The following STPG2 variants were observed in gnomAD, a reference collection of about 807,000 sequenced individuals.
The protein encoded by STPG2 is sperm tail PG-rich repeat containing 2, also known as sperm-tail PG-rich repeat-containing protein 2.
STPG2 carries 56 observed loss-of-function variants against 54.2 expected under a neutral mutation model. That is an observed-to-expected ratio of 1.03 (90% CI 0.83 to 1.29). STPG2 has a LOEUF of 1.29. Among genes scored for constraint, STPG2 ranks in the 50% most tolerant of loss-of-function variants. The pLI is 0.00. For synonymous variants in STPG2, 200 were observed against 181.8 expected (o/e 1.10, Z -0.81); for missense variants, 596 against 544.9 (o/e 1.09, Z -0.93).
At chr4:97,556,213 C>T (rs1732074907), downstream of STPG2, among the ~76,000 whole-genome samples, 1 of 152,110 alleles carries the variant, frequency 6.6e-6, no homozygotes, top group Admixed American at 6.5e-5. Flanking sequence ...AAGCACTCTT[C>T]ATCTACTAAT....
intron 4 of STPG2, among the ~76,000 whole-genome samples, chr4:97,450,160 T>A (rs533403417): frequency 6.6e-6 from 1 of 151,924 alleles, no homozygotes; most frequent in South Asian, 2.1e-4. Flanking sequence ...CTTAGAAAAA[T>A]AATAAAAAAT....
At chr4:97,561,607 C>T (rs948090362) in intron 10 of STPG2, among the ~76,000 whole-genome samples, 1 of 152,166 alleles carries the variant, frequency 6.6e-6, no homozygotes, top group African/African-American at 2.4e-5. Flanking sequence ...TTTAATCCAT[C>T]TTGAATTAAT....
chr4:97,607,877 A>G (rs1733634233), intron 10 of STPG2, among the ~76,000 whole-genome samples: 1 of 152,028 alleles, frequency 6.6e-6, no homozygotes, highest in Admixed American at 6.6e-5. Flanking sequence ...GGTTTAGGAA[A>G]GAGCCCCTAG....
At chr4:98,044,587 G>A (rs1046067782) in intron 5 of STPG2, among the ~76,000 whole-genome samples, 4 of 152,176 alleles carry the variant, frequency 2.6e-5, no homozygotes, top group Non-Finnish European at 5.9e-5. Flanking sequence ...GCAGGAAGGT[G>A]CAGCTTTTCC....
rs1739203227 is a variant in STPG2, at chr4:98,106,883, T to C, written c.501-819A>G. Among the ~76,000 whole-genome samples the C allele has an allele frequency of 2.0e-5, 3 of 152,178 alleles. 1 individual carries two copies. The South Asian group carries it at 6.2e-4, about 31-fold the overall frequency. On this transcript the variant is annotated intron_variant, in intron 4 of 10. Transcript: ENST00000295268. Reference sequence around the variant, plus strand: ...GACCACACTACTATTTTTTCTATTTTGTAAAGATAATTTCAAAAAAAATCT... The same window carrying C: ...GACCACACTACTATTTTTTCTATTTCGTAAAGATAATTTCAAAAAAAATCT...
intron 9 of STPG2, among the ~76,000 whole-genome samples, chr4:97,749,401 T>G (rs772003044): frequency 6.6e-6 from 1 of 151,718 alleles, no homozygotes; most frequent in Non-Finnish European, 1.5e-5. Context: ...TATTTGGCTA[T>G]CTAGTCATCT....
At chr4:97,791,889 T>C (rs1727002246) in intron 9 of STPG2, among the ~76,000 whole-genome samples, 1 of 151,698 alleles carries the variant, frequency 6.6e-6, no homozygotes, top group African/African-American at 2.4e-5. Context: ...AGAAACAACA[T>C]TTCCCAAATG....
intron 10 of STPG2, among the ~76,000 whole-genome samples, chr4:97,624,417 G>A (rs1007146347): frequency 5.9e-5 from 9 of 152,044 alleles, no homozygotes; most frequent in Admixed American, 5.9e-4. Flanking sequence ...CCGCATAAAT[G>A]TCTTCTTTTG....
At chr4:98,052,583 A>G (rs1737356464) in intron 5 of STPG2, among the ~76,000 whole-genome samples, 1 of 152,212 alleles carries the variant, frequency 6.6e-6, no homozygotes, top group Non-Finnish European at 1.5e-5. Flanking sequence ...TCAATAATAC[A>G]TTCTTCACAT....
chr4:97,604,180 G>GC (rs1733535982), intron 10 of STPG2, among the ~76,000 whole-genome samples: 1 of 151,494 alleles, frequency 6.6e-6, no homozygotes, highest in Admixed American at 6.6e-5. Flanking sequence ...TAGTAATCTA[G>GC]TAATCCATAT....
intron 9 of STPG2, among the ~76,000 whole-genome samples, chr4:97,837,553 A>G (rs2149118562): frequency 6.6e-6 from 1 of 151,778 alleles, no homozygotes; most frequent in East Asian, 1.9e-4. Context: ...GTGTAATAAG[A>G]AAAGACTGCT....
intron 8 of STPG2, among the ~76,000 whole-genome samples, chr4:97,919,374 C>A (rs1560589626): frequency 6.7e-6 from 1 of 149,356 alleles, no homozygotes; most frequent in Non-Finnish European, 1.5e-5. Context: ...TAGAGAATAT[C>A]AACAGTCAAA....
chr4:97,710,165 T>C (rs1259272972), intron 10 of STPG2, among the ~76,000 whole-genome samples: 1 of 151,934 alleles, frequency 6.6e-6, no homozygotes, highest in East Asian at 1.9e-4. Context: ...TTTTATTAGA[T>C]CTTCAAAAAG....
At chr4:97,879,060 A>C (rs576916597) in intron 8 of STPG2, among the ~76,000 whole-genome samples, 11 of 152,304 alleles carry the variant, frequency 7.2e-5, no homozygotes, top group African/African-American at 2.4e-4. Context: ...AAACATAGCA[A>C]GAGTCACCTT....
intron 8 of STPG2, among the ~76,000 whole-genome samples, chr4:97,855,854 A>G (rs1432152933): frequency 6.6e-6 from 1 of 152,222 alleles, no homozygotes; most frequent in East Asian, 1.9e-4. Flanking sequence ...ATGATGTAAG[A>G]AAAAGGTCCT....
intron 8 of STPG2, among the ~76,000 whole-genome samples, chr4:97,943,332 C>A (rs986899177): frequency 6.6e-6 from 1 of 152,084 alleles, no homozygotes; most frequent in African/African-American, 2.4e-5. Context: ...CTTTTTAACT[C>A]TAAATTTTAC....
chr4:97,480,322 A>G (rs1051041886), intron 4 of STPG2, among the ~76,000 whole-genome samples: 1 of 151,650 alleles, frequency 6.6e-6, no homozygotes, highest in African/African-American at 2.4e-5. Context: ...ACCCATTTAA[A>G]AAAAGAAAAC....
intron 4 of STPG2, among the ~76,000 whole-genome samples, chr4:97,453,003 G>C (rs1729416269): frequency 6.6e-6 from 1 of 152,204 alleles, no homozygotes; most frequent in South Asian, 2.1e-4. Context: ...CCACCGAATG[G>C]TGGAGTTAAA....
intron 8 of STPG2, among the ~76,000 whole-genome samples, chr4:97,919,740 G>T (rs138934307): frequency 6.6e-6 from 1 of 152,124 alleles, no homozygotes; most frequent in African/African-American, 2.4e-5. Flanking sequence ...ATTTAAGAAA[G>T]AATAACTCAA....
Sources: gnomAD v4.1 joint callset for allele counts (sites outside exome capture counted in the v4.1 genomes callset) on GRCh38, gnomAD v4.1.1 for gene constraint, MANE v1.5 for transcripts, NCBI Gene and HGNC (gene_info 2026-07-23, HGNC 2026-07-21) for gene names.